SETD2: variants seen among roughly 807,000 people sequenced by gnomAD.
SETD2 encodes histone-lysine N-methyltransferase SETD2.
Under a neutral mutation model 242.1 loss-of-function variants are expected in SETD2, and 31 were observed. The observed-to-expected ratio is 0.13, with a 90% CI of 0.10 to 0.17. The LOEUF (loss-of-function observed/expected upper bound fraction) is 0.17. Ranked by LOEUF, SETD2 falls within the 10% of genes least tolerant of loss-of-function variation. SETD2 has a pLI of 1.00. For missense variants in SETD2, 2,481 were observed against 3,046.3 expected (o/e 0.81, Z 4.37); for synonymous variants, 1,006 against 1,066.5 (o/e 0.94, Z 1.11).
chr3:47,134,800 T>C (rs1376679380), intron 1 of SETD2, among the ~76,000 whole-genome samples: 13 of 152,258 alleles, frequency 8.5e-5, no homozygotes, highest in Admixed American at 3.3e-4. Flanking sequence ...ATTTTTGTAT[T>C]TTTAGTAGAG....
In SETD2 at chr3:47,124,116, G is replaced by A. The variant is rs2106720527; in HGVS notation, c.520C>T (p.Pro174Ser). 1 of 1,551,998 alleles carries A rather than the reference G, an allele frequency of 6.4e-7. No individual in the cohort carries two copies. ...ASPPTHAAPL[P>S]AVIAESTTVD... ...GTTGTTGATTCTGCTATCACTGCTG[G>A]TAATGGTGCTGCATGAGTAGGTGGA... Residue 174 changes from proline to serine, a missense_variant, in exon 3 of 21, where the codon CCA becomes TCA. By Grantham distance (74) the Pro-to-Ser change is moderately conservative. Transcript: ENST00000409792.
At chr3:47,080,213 T>C (rs1303535901) in intron 12 of SETD2, among the ~76,000 whole-genome samples, 1 of 152,218 alleles carries the variant, frequency 6.6e-6, no homozygotes, top group African/African-American at 2.4e-5. Context: ...TTAAAGATAA[T>C]GTCTTGAGAT....
chr3:47,164,791 G>GGCTCCTACCTCCACCTCGGC (rs1697623075), upstream of SETD2, among the ~76,000 whole-genome samples: 1 of 152,194 alleles, frequency 6.6e-6, no homozygotes, highest in Non-Finnish European at 1.5e-5. The surrounding 1 kb of genome is among the most constrained non-coding windows in gnomAD (Gnocchi z 5.4). Flanking sequence ...GTGCCCTCGG[G>GGCTCCTACCTCCACCTCGGC]GCTCCTACCT....
chr3:47,072,667 C>T (rs747933917), intron 12 of SETD2, among the ~76,000 whole-genome samples: 3 of 151,850 alleles, frequency 2.0e-5, no homozygotes, highest in East Asian at 1.9e-4. Flanking sequence ...AAATTAGGAC[C>T]GGGCACGGTG....
intron 11 of SETD2, among the ~76,000 whole-genome samples, chr3:47,085,028 G>A (rs1251753163): frequency 2.0e-5 from 3 of 151,996 alleles, no homozygotes; most frequent in African/African-American, 7.3e-5. Flanking sequence ...CACAGCGCCT[G>A]GCCTACAGTT....
intron 11 of SETD2, among the ~76,000 whole-genome samples, chr3:47,085,773 ATTT>A (rs2107644317): frequency 6.6e-6 from 1 of 152,372 alleles, no homozygotes; most frequent in South Asian, 2.1e-4. Flanking sequence ...TAAAACACTT[ATTT>A]AAAAGATTCC....
At chr3:47,022,831 G>A (rs1210535930) in intron 18 of SETD2, among the ~76,000 whole-genome samples, 2 of 152,216 alleles carry the variant, frequency 1.3e-5, no homozygotes, top group Non-Finnish European at 2.9e-5. Flanking sequence ...TTATGACAAG[G>A]CAGGCCTGAG....
At chr3:47,093,447 C>A (rs907833824) in intron 9 of SETD2, among the ~76,000 whole-genome samples, 1 of 151,962 alleles carries the variant, frequency 6.6e-6, no homozygotes, top group Non-Finnish European at 1.5e-5. Context: ...TTACACTTGG[C>A]TAATTTTTGT....
intron 12 of SETD2, among the ~76,000 whole-genome samples, chr3:47,073,438 T>C (rs1339539237): frequency 6.6e-6 from 1 of 151,698 alleles, no homozygotes; most frequent in African/African-American, 2.4e-5. Context: ...TGCACCTGAG[T>C]AGAGGGGAAG....
chr3:47,083,367 T>A (rs1454794880), intron 12 of SETD2, among the ~76,000 whole-genome samples: 3 of 152,256 alleles, frequency 2.0e-5, no homozygotes, highest in Non-Finnish European at 2.9e-5. Context: ...TTAATACAAC[T>A]GATTTCCAAT....
At chr3:47,102,102 T>G (rs1225154105) in intron 7 of SETD2, among the ~76,000 whole-genome samples, 1 of 152,182 alleles carries the variant, frequency 6.6e-6, no homozygotes, top group African/African-American at 2.4e-5. Context: ...GACTCAAGAA[T>G]TAAAATGGGG....
At chr3:47,152,351 A>G (rs2044005041) in intron 1 of SETD2, among the ~76,000 whole-genome samples, 1 of 152,224 alleles carries the variant, frequency 6.6e-6, no homozygotes, top group Admixed American at 6.5e-5. Context: ...TGATAAATTA[A>G]TGGAAGAGTC....
Position 47,124,347 on chromosome 3 carries a change from G to C in SETD2, c.289C>G (p.Gln97Glu), listed in dbSNP as rs2106726055. ...GCTGGAGGGTTTGGAGTATCACTTT[G>C]CTTTTCATTGCCAAGTGCAGTGAGA... The part of the protein sequence containing the change: ...RFLTALGNEK[Q>E]SDTPNPPAVP... The change falls in exon 3 of 21, where the codon CAA (glutamine) becomes GAA (glutamate). Residue 97 changes from glutamine (Q) to glutamate (E), a missense_variant. Transcript: ENST00000409792. 6.4e-7 allele frequency: 1 copy of C among 1,551,768 alleles called. No homozygotes were observed. Among genetic ancestry groups the C allele is most frequent in the African/African-American group, 1.4e-5 (1 of 73,168 alleles).
At position 47,017,310 on chromosome 3, in the gene SETD2, G is replaced by T; in HGVS notation, c.7534-56C>A. 6.3e-7 allele frequency: 1 copy of T among 1,589,844 alleles called. No individual in the cohort carries two copies. On this transcript the variant is annotated intron_variant, in intron 20 of 20. Coordinates refer to ENST00000409792, the MANE Select transcript of SETD2 (RefSeq NM_014159.7). This position sits in a 1 kb window ranked among gnomAD's most constrained non-coding sequence, Gnocchi z 4.8. ...CCACCAATCAGAGCAGAAATTATATGAGGGGGAGGACAGGGGTGGTAATCC... is the reference window on the plus strand; with the variant it reads ...CCACCAATCAGAGCAGAAATTATATTAGGGGGAGGACAGGGGTGGTAATCC...
intron 12 of SETD2, among the ~76,000 whole-genome samples, chr3:47,077,819 T>C (rs1184447920): frequency 2.0e-5 from 3 of 152,038 alleles, no homozygotes; most frequent in African/African-American, 7.2e-5. Context: ...AAGAAAATAA[T>C]GGAGATATGT....
rs766959990 is a variant in SETD2, at chr3:47,056,872, T to G, written c.6912A>C (p.Thr2304=). 7 of 1,614,126 alleles carry G rather than the reference T, an allele frequency of 4.3e-6. No individual in the cohort carries two copies. In the African/African-American group the frequency reaches 8.0e-5, roughly 18 times the overall value. The change falls in exon 15 of 21, where the codon ACA becomes ACC. Residue 2304 remains threonine (T), a synonymous_variant. Transcript: ENST00000409792. ...TIYYQGQTCP[T]VYGVTSPYSQ... Reference sequence around the variant, plus strand: ...AATAAGGTGATGTCACACCATAGACTGTTGGACATGTCTGTCCTTGATAAT... The same window carrying G: ...AATAAGGTGATGTCACACCATAGACGGTTGGACATGTCTGTCCTTGATAAT...
At chr3:47,091,718 G>A (rs370526631) in intron 9 of SETD2, among the ~76,000 whole-genome samples, 254 of 151,986 alleles carry the variant, frequency 1.7e-3, no homozygotes, top group Non-Finnish European at 2.6e-3. Context: ...AGCCAAGATC[G>A]TGCCACTGTA....
In SETD2 at chr3:47,027,551, T is replaced by TA. The variant is rs889342610; in HGVS notation, c.7351-7712dup. On this transcript the variant is annotated intron_variant, in intron 18 of 20. Transcript: ENST00000409792. Reference sequence around the variant, plus strand: ...CATTGTGCACATGTACCCTAAAACTTAAAGTATAATAATAATAAAATTTAA... The same window carrying TA: ...CATTGTGCACATGTACCCTAAAACTTAAAAGTATAATAATAATAAAATTTAA... Among the ~76,000 whole-genome samples the TA allele has an allele frequency of 2.6e-5, 4 of 151,826 alleles. 1 individual carries two copies. The highest frequency in any genetic ancestry group is 6.6e-5 in the Admixed American group (1 of 15,244).
Position 47,057,169 on chromosome 3 carries a change from A to G in SETD2, c.6615T>C (p.His2205=). ...TAGAATGTCCCACCAAGGGCTGAGC[A>G]TGATCATAAGGAGCAGGAGAACACA... ...DPVCSPAPYD[H]AQPLVGHSTE... Residue 2205 remains histidine, a synonymous_variant, in exon 15 of 21, where the codon CAT becomes CAC. Transcript: ENST00000409792. The G allele has an allele frequency of 6.2e-7, 1 of 1,614,180 alleles. No homozygotes were observed. Among genetic ancestry groups the G allele is most frequent in the Non-Finnish European group, 8.5e-7 (1 of 1,180,002 alleles).
Sources: gnomAD v4.1 joint callset for allele counts (sites outside exome capture counted in the v4.1 genomes callset) on GRCh38, gnomAD v4.1.1 for gene constraint, Gnocchi (gnomAD v3.1) non-coding constraint, MANE v1.5 for transcripts, NCBI Gene and HGNC (gene_info 2026-07-23, HGNC 2026-07-21) for gene names.